DAB2IP: variants seen among roughly 807,000 people sequenced by gnomAD.
The protein encoded by DAB2IP is DAB2 interacting protein, also known as disabled homolog 2-interacting protein.
DAB2IP carries 28 observed loss-of-function variants against 107.2 expected under a neutral mutation model. That is an observed-to-expected ratio of 0.26 (90% CI 0.19 to 0.36). DAB2IP has a LOEUF of 0.36. Among genes scored for constraint, DAB2IP ranks in the 10% least tolerant of loss-of-function variants. The pLI is 1.00. For synonymous variants in DAB2IP, 755 were observed against 706.4 expected (o/e 1.07, Z -1.09); for missense variants, 1,400 against 1,644.7 (o/e 0.85, Z 2.57).
intron 3 of DAB2IP, among the ~76,000 whole-genome samples, chr9:121,739,741 T>TC (rs1364222536): frequency 6.6e-6 from 1 of 152,018 alleles, no homozygotes; most frequent in African/African-American, 2.4e-5. Context: ...GACACATGGG[T>TC]CCGGAGCTCA....
rs1179197148 is a variant in DAB2IP at position 121,776,420 on chromosome 9, A to G, written c.3314+29A>G. The G allele has an allele frequency of 3.4e-6, 5 of 1,482,810 alleles. No individual in the cohort carries two copies. Among genetic ancestry groups the G allele is most frequent in the African/African-American group, 1.4e-5 (1 of 70,312 alleles). 91.9% of individuals were successfully genotyped at this position (1,482,810 alleles called of 1,614,324 possible). ...GGGCCCACACCTGCCTGGCCTGGCCACAGGCACAGGCAGGGCAGCCATCGC... is the reference window on the plus strand; with the variant it reads ...GGGCCCACACCTGCCTGGCCTGGCCGCAGGCACAGGCAGGGCAGCCATCGC... On this transcript the variant is annotated intron_variant, in intron 14 of 15. Coordinates refer to ENST00000408936, the Ensembl canonical transcript of DAB2IP. This position sits in a 1 kb window ranked among gnomAD's most constrained non-coding sequence, Gnocchi z 5.4.
intron 1 of DAB2IP, among the ~76,000 whole-genome samples, chr9:121,664,068 C>G (rs561024491): frequency 6.6e-6 from 1 of 152,362 alleles, no homozygotes; most frequent in African/African-American, 2.4e-5. Context: ...ATCTGTTTCT[C>G]CACATTTCCT....
intron 1 of DAB2IP, among the ~76,000 whole-genome samples, chr9:121,646,312 A>G (rs1832534683): frequency 6.6e-6 from 1 of 151,928 alleles, no homozygotes; most frequent in Non-Finnish European, 1.5e-5. Flanking sequence ...GGGCTTGTCT[A>G]TGCTTTTCCC....
chr9:121,571,972 A>G (rs1829954946), intron 1 of DAB2IP, among the ~76,000 whole-genome samples: 1 of 134,422 alleles, frequency 7.4e-6, no homozygotes, highest in African/African-American at 3.0e-5. Flanking sequence ...CCTAGGTGTA[A>G]ATTGGGGTGA....
intron 1 of DAB2IP, among the ~76,000 whole-genome samples, chr9:121,577,759 A>G (rs997416527): frequency 2.6e-5 from 4 of 151,942 alleles, no homozygotes; most frequent in African/African-American, 9.7e-5. Context: ...AATGGAGGGC[A>G]CAGCTCTTAG....
intron 1 of DAB2IP, among the ~76,000 whole-genome samples, chr9:121,601,004 T>TAA (rs1262084693): frequency 1.3e-5 from 2 of 152,186 alleles, no homozygotes; most frequent in Non-Finnish European, 2.9e-5. Context: ...CAGCCCCTCT[T>TAA]AATCAGCCCT....
chr9:121,771,860 G>A (rs1834769901), intron 11 of DAB2IP, among the ~76,000 whole-genome samples: 2 of 150,030 alleles, frequency 1.3e-5, no homozygotes, highest in Admixed American at 6.7e-5. Context: ...CCAAGTCCTT[G>A]CAGCCTTCAG....
At chr9:121,656,036 T>G (rs1249872839) in intron 1 of DAB2IP, among the ~76,000 whole-genome samples, 1 of 151,192 alleles carries the variant, frequency 6.6e-6, no homozygotes, top group Non-Finnish European at 1.5e-5. Context: ...GAGACGGAGT[T>G]TTGCTTTTGT....
intron 1 of DAB2IP, among the ~76,000 whole-genome samples, chr9:121,578,631 C>T (rs973462245): frequency 1.3e-5 from 2 of 151,850 alleles, no homozygotes; most frequent in Non-Finnish European, 2.9e-5. Flanking sequence ...ACCCCCCCAT[C>T]GACCTCCCTT....
At chr9:121,639,042 C>G (rs1832189946) in intron 1 of DAB2IP, among the ~76,000 whole-genome samples, 1 of 152,178 alleles carries the variant, frequency 6.6e-6, no homozygotes, top group Non-Finnish European at 1.5e-5. Context: ...GCCATATCCA[C>G]TGACCACTAT....
chr9:121,759,598 C>A (rs1049573841), intron 5 of DAB2IP, among the ~76,000 whole-genome samples: 1 of 152,228 alleles, frequency 6.6e-6, no homozygotes. Flanking sequence ...CTCTCAGTCT[C>A]GCCCTCTATG....
chr9:121,672,304 G>T (rs1164724991), intron 1 of DAB2IP, among the ~76,000 whole-genome samples: 1 of 152,112 alleles, frequency 6.6e-6, no homozygotes, highest in African/African-American at 2.4e-5. Flanking sequence ...GCGTTAAGAG[G>T]TTGCTGCCTC....
intron 2 of DAB2IP, among the ~76,000 whole-genome samples, chr9:121,697,579 T>C (rs1392643437): frequency 6.6e-6 from 1 of 152,196 alleles, no homozygotes; most frequent in Non-Finnish European, 1.5e-5. Context: ...CATTGCCTTG[T>C]CTATGGGTCA....
intron 1 of DAB2IP, among the ~76,000 whole-genome samples, chr9:121,613,410 T>C (rs991140213): frequency 1.3e-5 from 2 of 152,230 alleles, no homozygotes; most frequent in Non-Finnish European, 1.5e-5. Context: ...TCTCTTTGCA[T>C]TGTTTAGTTA....
Position 121,651,899 on chromosome 9 carries a change from G to T in DAB2IP, c.124G>T (p.Glu42Ter). ...CCGCAGCCGGACCCGGCCTGCCAGG[G>T]GTAGGCGCCACCCCGACCCCTGACC... The change falls in exon 1 of 16, where the codon GAG becomes TAG. Residue 42 changes from glutamate to a stop codon, truncating the protein, a stop_gained and splice_region_variant. Coordinates refer to ENST00000408936, the Ensembl canonical transcript of DAB2IP. LOFTEE classifies it high-confidence loss of function. The surrounding 1 kb of genome is among the most constrained non-coding windows in gnomAD (Gnocchi z 5.1). 2.1e-6 allele frequency: 3 copies of T among 1,396,148 alleles called. No individual in the cohort carries two copies. Among genetic ancestry groups the T allele is most frequent in the Non-Finnish European group, 1.9e-6 (2 of 1,068,260 alleles). The allele number at this position is 1,396,148 out of a possible 1,614,324, so 86.5% of individuals were successfully genotyped here.
At chr9:121,642,052 T>TTTCTTTCTTTCA (rs1491431600) in intron 1 of DAB2IP, among the ~76,000 whole-genome samples, 1 of 50,820 alleles carries the variant, frequency 2.0e-5, no homozygotes, top group Non-Finnish European at 3.4e-5. Flanking sequence ...TCTTTCTTTC[T>TTTCTTTCTTTCA]TTCTTTCTTT....
chr9:121,654,382 A>AG (rs2119068157), intron 1 of DAB2IP, among the ~76,000 whole-genome samples: 1 of 152,298 alleles, frequency 6.6e-6, no homozygotes, highest in Admixed American at 6.5e-5. Flanking sequence ...CCTTGAGCCC[A>AG]GGAGTTCAAG....
chr9:121,593,896 G>A (rs1830469677), intron 1 of DAB2IP, among the ~76,000 whole-genome samples: 1 of 151,776 alleles, frequency 6.6e-6, no homozygotes. Flanking sequence ...TTAAACTCCT[G>A]ACCTCAGGTG....
chr9:121,668,032 C>T (rs1352888102), intron 1 of DAB2IP, among the ~76,000 whole-genome samples: 6 of 152,148 alleles, frequency 3.9e-5, no homozygotes, highest in Non-Finnish European at 8.8e-5. Context: ...CCTCATGAGA[C>T]TTATTCACTA....
Sources: gnomAD v4.1 joint callset for allele counts (sites outside exome capture counted in the v4.1 genomes callset) on GRCh38, gnomAD v4.1.1 for gene constraint, Gnocchi (gnomAD v3.1) non-coding constraint, MANE v1.5 for transcripts, NCBI Gene and HGNC (gene_info 2026-07-23, HGNC 2026-07-21) for gene names.